CCDC171: variants seen among roughly 807,000 people sequenced by gnomAD.
CCDC171 encodes coiled-coil domain-containing protein 171.
In CCDC171, 177 loss-of-function variants were observed where a neutral mutation model predicts 168.2. The ratio of observed to expected loss-of-function variants is 1.05; its 90% confidence interval spans 0.93 to 1.19. The LOEUF (loss-of-function observed/expected upper bound fraction) is 1.19, where lower values mean the gene tolerates loss of function less well. CCDC171 is among the 50% of genes most tolerant of loss of function. The pLI is 0.00. For missense variants in CCDC171, 1,991 were observed against 1,539.0 expected (o/e 1.29, Z -4.91); for synonymous variants, 687 against 540.8 (o/e 1.27, Z -3.75).
chr9:15,812,923 A>C (rs572919479), intron 21 of CCDC171, among the ~76,000 whole-genome samples: 1 of 152,208 alleles, frequency 6.6e-6, no homozygotes, highest in Non-Finnish European at 1.5e-5. Flanking sequence ...GAGGACCTAC[A>C]TTTGGACCTC....
chr9:15,631,809 A>T (rs1390360036), intron 7 of CCDC171, among the ~76,000 whole-genome samples: 3 of 152,172 alleles, frequency 2.0e-5, no homozygotes, highest in East Asian at 1.9e-4. Context: ...GCACATCAAA[A>T]AGCTTATCCA....
chr9:15,617,996 T>C (rs2044218156), intron 6 of CCDC171, among the ~76,000 whole-genome samples: 1 of 151,764 alleles, frequency 6.6e-6, no homozygotes, highest in South Asian at 2.1e-4. Context: ...AGGGACCCAC[T>C]TGAGGAGGCA....
chr9:15,742,368 C>G (rs1329230110), intron 16 of CCDC171, among the ~76,000 whole-genome samples: 1 of 152,244 alleles, frequency 6.6e-6, no homozygotes. Context: ...CATCCTTTCT[C>G]TCATTTCTTC....
intron 1 of CCDC171, among the ~76,000 whole-genome samples, chr9:15,555,270 A>C (rs1262108361): frequency 1.3e-5 from 2 of 152,168 alleles, no homozygotes; most frequent in Admixed American, 1.3e-4. Context: ...CAACTCCACT[A>C]TCAAAAAAAG....
chr9:15,775,154 C>T (rs972632664), intron 18 of CCDC171, among the ~76,000 whole-genome samples: 3 of 152,216 alleles, frequency 2.0e-5, no homozygotes, highest in Admixed American at 6.5e-5. Flanking sequence ...ATTGTAAAAA[C>T]ACTTCTTATT....
Position 15,818,778 on chromosome 9 carries a change from T to A in CCDC171, c.3268-27924T>A, listed in dbSNP as rs1487853287. On this transcript the variant is annotated intron_variant, in intron 21 of 25. Transcript: ENST00000380701. ...AGTTGGAAAACACTCTGCAGGATAT[T>A]ATCTAGGAGAACTTCCCCAATCTAG... Among the ~76,000 whole-genome samples, 150 of 117,696 alleles carry A rather than the reference T, an allele frequency of 1.3e-3. 49 individuals carry two copies. Among genetic ancestry groups the A allele is most frequent in the African/African-American group, 4.5e-3 (141 of 31,282 alleles). The allele number at this position is 117,696 out of a possible 152,430, so 77.2% of individuals were successfully genotyped here.
At chr9:15,888,633 C>G (rs1305766148) in intron 24 of CCDC171, among the ~76,000 whole-genome samples, 1 of 152,060 alleles carries the variant, frequency 6.6e-6, no homozygotes, top group East Asian at 1.9e-4. Flanking sequence ...AGAATTGTTT[C>G]GCTTATTATA....
the CCDC171 span, among the ~76,000 whole-genome samples, chr9:16,081,370 A>G: frequency 6.6e-6 from 1 of 152,200 alleles, no homozygotes; most frequent in African/African-American, 2.4e-5. Context: ...CATGCTTGAT[A>G]GTTCCCTGGC....
intron 18 of CCDC171, among the ~76,000 whole-genome samples, chr9:15,752,388 A>T (rs372767046): frequency 1.3e-5 from 2 of 152,166 alleles, no homozygotes. Context: ...GACCCAAGCA[A>T]TTCCACTTAC....
chr9:15,633,782 C>T (rs1310800164), intron 7 of CCDC171, among the ~76,000 whole-genome samples: 1 of 152,082 alleles, frequency 6.6e-6, no homozygotes, highest in Non-Finnish European at 1.5e-5. Flanking sequence ...CCCAAATGTC[C>T]AACAATGATA....
intron 1 of CCDC171, among the ~76,000 whole-genome samples, chr9:15,561,753 A>G (rs947896942): frequency 3.3e-5 from 5 of 152,102 alleles, no homozygotes; most frequent in Non-Finnish European, 7.4e-5. Flanking sequence ...TAGTCTTCCT[A>G]AAACACACAG....
intron 3 of CCDC171, among the ~76,000 whole-genome samples, chr9:16,010,871 A>G (rs1330308445): frequency 6.6e-6 from 1 of 152,124 alleles, no homozygotes; most frequent in Non-Finnish European, 1.5e-5. Context: ...AGAGTATACA[A>G]TGAGAAGAGG....
chr9:15,669,475 C>T (rs1300148466), intron 9 of CCDC171, among the ~76,000 whole-genome samples: 1 of 152,094 alleles, frequency 6.6e-6, no homozygotes, highest in Non-Finnish European at 1.5e-5. Flanking sequence ...ATGTTAGGAA[C>T]ATTCCAATTC....
intron 21 of CCDC171, among the ~76,000 whole-genome samples, chr9:15,814,086 G>C (rs2059465207): frequency 6.6e-6 from 1 of 152,136 alleles, no homozygotes; most frequent in Non-Finnish European, 1.5e-5. Context: ...TTTGGAAAGG[G>C]ATAATTTTGC....
chr9:15,990,898 C>G (rs931996952), intron 3 of CCDC171, among the ~76,000 whole-genome samples: 1 of 152,110 alleles, frequency 6.6e-6, no homozygotes, highest in African/African-American at 2.4e-5. Context: ...TATATGCACC[C>G]AATACAGGAG....
At chr9:15,741,872 A>T (rs989177371) in intron 16 of CCDC171, among the ~76,000 whole-genome samples, 1 of 152,132 alleles carries the variant, frequency 6.6e-6, no homozygotes. Flanking sequence ...AAAATGCTTT[A>T]GGTTTTTCTC....
intron 21 of CCDC171, among the ~76,000 whole-genome samples, chr9:15,787,154 T>A (rs2058006969): frequency 6.6e-6 from 1 of 152,222 alleles, no homozygotes; most frequent in Admixed American, 6.5e-5. Flanking sequence ...TGTATTTTGA[T>A]GTTTTGCTAC....
At chr9:15,755,797 G>A (rs752572737) in intron 18 of CCDC171, among the ~76,000 whole-genome samples, 1 of 152,136 alleles carries the variant, frequency 6.6e-6, no homozygotes, top group African/African-American at 2.4e-5. Context: ...TGGAGTGAGG[G>A]TTAAGGGAGT....
At chr9:15,996,195 G>A (rs1322639785) in intron 3 of CCDC171, among the ~76,000 whole-genome samples, 1 of 151,790 alleles carries the variant, frequency 6.6e-6, no homozygotes, top group Non-Finnish European at 1.5e-5. Flanking sequence ...AGGCCTTTTT[G>A]ACATTTTGAA....
Sources: gnomAD v4.1 joint callset for allele counts (sites outside exome capture counted in the v4.1 genomes callset) on GRCh38, gnomAD v4.1.1 for gene constraint, MANE v1.5 for transcripts, NCBI Gene and HGNC (gene_info 2026-07-23, HGNC 2026-07-21) for gene names.